Variants in SPTBN2 observed in about 807,000 individuals in gnomAD.
SPTBN2 encodes the protein spectrin beta, non-erythrocytic 2.
SPTBN2 carries 107 observed loss-of-function variants against 284.2 expected under a neutral mutation model. The ratio of observed to expected loss-of-function variants is 0.38; its 90% CI spans 0.32 to 0.44. SPTBN2 has a LOEUF of 0.44. Among genes scored for constraint, SPTBN2 ranks in the 20% least tolerant of loss-of-function variants. The pLI is 1.00. For synonymous variants in SPTBN2, 1,289 were observed against 1,354.8 expected (o/e 0.95, Z 1.07); for missense variants, 2,569 against 3,287.1 (o/e 0.78, Z 5.34).
chr11:66,703,375 C>T (rs1351909467), intron 15 of SPTBN2, among the ~76,000 whole-genome samples: 1 of 152,080 alleles, frequency 6.6e-6, no homozygotes, highest in African/African-American at 2.4e-5. Flanking sequence ...AGCCACCAGG[C>T]CTGACCTAAT....
rs774021431 is a variant in SPTBN2 at position 66,687,860 on chromosome 11, G to C, written c.6501+8C>G. ...AGTTATCAACACCACACTTGCAGGG[G>C]AACTCACCGGCCCTTCGGGGAAGCT... On this transcript the variant is annotated splice_region_variant and intron_variant, in intron 34 of 37. Coordinates refer to ENST00000533211, the MANE Select transcript of SPTBN2 (RefSeq NM_006946.4). The surrounding 1 kb of genome is among the most constrained non-coding windows in gnomAD (Gnocchi z 5.2). 5.0e-6 allele frequency: 8 copies of C among 1,614,110 alleles called. No homozygotes were observed. Among genetic ancestry groups the C allele is most frequent in the Non-Finnish European group, 6.8e-6 (8 of 1,180,004 alleles).
At position 66,707,662 on chromosome 11, in the gene SPTBN2, C is replaced by A; in HGVS notation, c.1507G>T (p.Ala503Ser). 6.2e-7 allele frequency: 1 copy of A among 1,607,574 alleles called. No individual in the cohort carries two copies. Among genetic ancestry groups the A allele is most frequent in the Non-Finnish European group, 8.5e-7 (1 of 1,179,846 alleles). The change falls in exon 13 of 38, where the codon GCC becomes TCC. Residue 503 changes from alanine (A) to serine (S), a missense_variant. Physicochemically the swap from Ala to Ser is moderately conservative, Grantham distance 99. Around this residue, in one of 6 missense-constraint regions of SPTBN2, gnomAD observed 1,012 missense variants for 1,248.9 expected, o/e 0.81. Coordinates refer to ENST00000533211, the MANE Select transcript of SPTBN2 (RefSeq NM_006946.4). The surrounding 1 kb of genome is among the most constrained non-coding windows in gnomAD (Gnocchi z 4.9). Reference sequence around the variant, plus strand: ...CGTGCCACGTTGTGCTGCCGAGCGGCGATGCGCTTGATGTCGTGGTAGCGC... The same window carrying A: ...CGTGCCACGTTGTGCTGCCGAGCGGAGATGCGCTTGATGTCGTGGTAGCGC... ...AERYHDIKRI[A>S]ARQHNVARLW...
Position 66,685,293 on chromosome 11 carries a change from G to A in SPTBN2, c.*578C>T, listed in dbSNP as rs970139410. The stretch of plus-strand genomic sequence containing the variant: ...TAATCACCTCCTTGGCCAGACTCAA[G>A]GCGGTGGCTGTCCCCGAACAACACA... On this transcript the variant is annotated 3_prime_UTR_variant, in exon 38 of 38. Transcript: ENST00000533211. The surrounding 1 kb of genome is among the most constrained non-coding windows in gnomAD (Gnocchi z 4.4). The A allele has an allele frequency of 9.7e-5, 16 of 165,742 alleles. No homozygotes were observed. The South Asian group carries it at 2.4e-3, about 25-fold the overall frequency. 10.3% of individuals were successfully genotyped at this position (165,742 alleles called of 1,614,324 possible). A position where few individuals can be genotyped will look rare whatever the true frequency, so the allele number is the denominator to read the frequency against.
intron 3 of SPTBN2, among the ~76,000 whole-genome samples, chr11:66,716,678 T>C (rs2135531658): frequency 6.6e-6 from 1 of 152,272 alleles, no homozygotes; most frequent in Middle Eastern, 3.4e-3. Flanking sequence ...CACTTTCTAC[T>C]TCAACAGGTC....
rs1471386410 is a variant in SPTBN2 at position 66,708,578 on chromosome 11, A to T, written c.1192-279T>A. On this transcript the variant is annotated intron_variant, in intron 11 of 37. Coordinates refer to ENST00000533211, the MANE Select transcript of SPTBN2 (RefSeq NM_006946.4). The surrounding 1 kb of genome is among the most constrained non-coding windows in gnomAD (Gnocchi z 4.4). ...TGCGAACCTTATTTTTACTTTTAGT[A>T]ATCTTACAATATTGTGAAAAAAATA... 6.6e-6 allele frequency among the ~76,000 whole-genome samples: 1 copy of T among 152,260 alleles called. No homozygotes were observed. The highest frequency in any genetic ancestry group is 6.5e-5 in the Admixed American group (1 of 15,290).
At chr11:66,714,000 G>GCAGCT in intron 7 of SPTBN2, 91 bp downstream of exon 7, 1 of 1,334,468 alleles carries the variant, frequency 7.5e-7, no homozygotes, top group South Asian at 1.2e-5. Context: ...TGACTGCTGT[G>GCAGCT]CAGCTCATCT....
chr11:66,690,333 C>CG, intron 27 of SPTBN2, 50 bp from the exon 28 acceptor site: 1 of 1,516,662 alleles, frequency 6.6e-7, no homozygotes, highest in Non-Finnish European at 8.8e-7. Context: ...TCCAAGGAGC[C>CG]GCAGCCTGCC....
Position 66,705,045 on chromosome 11 carries a change from G to A in SPTBN2, c.2231C>T (p.Ala744Val). 3.1e-6 allele frequency: 5 copies of A among 1,598,358 alleles called. No individual in the cohort carries two copies. The highest frequency in any genetic ancestry group is 4.2e-6 in the Non-Finnish European group (5 of 1,178,946). ...ALAEERAQRL[A>V]QAASLYQFQA... The stretch of plus-strand genomic sequence containing the variant: ...GAACTGGTAGAGGCTGGCGGCTTGG[G>A]CCAGCCGCTGGGCACGCTCCTCGGC... Residue 744 changes from alanine to valine, a missense_variant, in exon 15 of 38, where the codon GCC (alanine) becomes GTC (valine). By Grantham distance (64) the Ala-to-Val change is moderately conservative. Transcript: ENST00000533211.
rs377601801 is a variant in SPTBN2 at position 66,704,529 on chromosome 11, C to A, written c.2678+69G>T. ...GGCAGGAAGTTTATGGAGGGACTCA[C>A]CACCCACATCCTGGCCCCCCCACCC... On this transcript the variant is annotated intron_variant, in intron 15 of 37. Coordinates refer to ENST00000533211, the MANE Select transcript of SPTBN2 (RefSeq NM_006946.4). 6.5e-6 allele frequency: 10 copies of A among 1,545,600 alleles called. No homozygotes were observed. In the East Asian group the frequency reaches 1.4e-4, roughly 22 times the overall value.
intron 8 of SPTBN2, among the ~76,000 whole-genome samples, chr11:66,711,997 C>T (rs915445633): frequency 1.4e-4 from 22 of 152,306 alleles, no homozygotes; most frequent in African/African-American, 5.3e-4. Context: ...CTCCAGCAGG[C>T]GAGCCTTTCT....
rs762103483 is a variant in SPTBN2 at position 66,715,842 on chromosome 11, C to T, written c.297G>A (p.Ser99=). The change falls in exon 4 of 38, where the codon TCG becomes TCA. Residue 99 remains serine (S), a synonymous_variant. Transcript: ENST00000533211. This position sits in a 1 kb window ranked among gnomAD's most constrained non-coding sequence, Gnocchi z 5.3. Reference sequence around the variant, plus strand: ...GACCACAGCTCACCAGTATCTCTCCCGAGAGCACCTCGAGGAGCCTCAGCA... The same window carrying T: ...GACCACAGCTCACCAGTATCTCTCCTGAGAGCACCTCGAGGAGCCTCAGCA... The part of the protein sequence containing the change: ...RNLLRLLEVL[S]GEILPKPTKG... 1.4e-5 allele frequency: 22 copies of T among 1,613,808 alleles called. No individual in the cohort carries two copies. In the Middle Eastern group the frequency reaches 4.9e-4, roughly 36 times the overall value.
chr11:66,723,609 G>A (rs1942513106), intron 1 of SPTBN2, among the ~76,000 whole-genome samples: 2 of 152,120 alleles, frequency 1.3e-5, no homozygotes, highest in South Asian at 2.1e-4. Context: ...AGAGAGCTAA[G>A]GTCTAAGGCT....
chr11:66,707,398 G>T lies in SPTBN2; in HGVS notation c.1653+118C>A, dbSNP rs371043372. On this transcript the variant is annotated intron_variant, in intron 13 of 37. Transcript: ENST00000533211. The surrounding 1 kb of genome is among the most constrained non-coding windows in gnomAD (Gnocchi z 4.9). ...CTTTGTTCCCTGCAACTGGGGACAG[G>T]GCCCTGTGCTGGTTCACACTCCACA... The T allele has an allele frequency of 8.2e-5, 89 of 1,087,764 alleles. 2 individuals carry two copies. The East Asian group carries it at 9.6e-4, about 12-fold the overall frequency. 67.4% of individuals were successfully genotyped at this position (1,087,764 alleles called of 1,614,324 possible). A position where few individuals can be genotyped will look rare whatever the true frequency, so the allele number is the denominator to read the frequency against.
chr11:66,701,261 C>CA lies in SPTBN2; in HGVS notation c.2837dup (p.Ala947GlyfsTer130). On this transcript the variant is annotated frameshift_variant, in exon 17 of 38. Coordinates refer to ENST00000533211, the MANE Select transcript of SPTBN2 (RefSeq NM_006946.4). LOFTEE classifies it high-confidence loss of function. Reference sequence around the variant, plus strand: ...TGAGAGCTGCCTTCTTGCCGTCTGCCAGACGCCGAAACTGCTGCCACCTGA... The same window carrying CA: ...TGAGAGCTGCCTTCTTGCCGTCTGCCAAGACGCCGAAACTGCTGCCACCTGA... 1 of 1,612,728 alleles carries CA rather than the reference C, an allele frequency of 6.2e-7. No homozygotes were observed. The highest frequency in any genetic ancestry group is 8.5e-7 in the Non-Finnish European group (1 of 1,180,032).
At position 66,689,836 on chromosome 11, in the gene SPTBN2, A is replaced by C; in HGVS notation, c.5918T>G (p.Leu1973Arg). The C allele has an allele frequency of 6.2e-7, 1 of 1,614,028 alleles. No homozygotes were observed. The highest frequency in any genetic ancestry group is 8.5e-7 in the Non-Finnish European group (1 of 1,180,020). Residue 1973 changes from leucine (L) to arginine (R), a missense_variant, in exon 29 of 38, where the codon CTG becomes CGG. Leu to Arg is a moderately radical substitution (Grantham distance 102, BLOSUM62 -2). This residue lies in a region of SPTBN2 where 1,130 missense variants were observed against 1,317.3 expected (regional missense o/e 0.86). Coordinates refer to ENST00000533211, the MANE Select transcript of SPTBN2 (RefSeq NM_006946.4). ...GGCCGCATAGTGGCTCCTGGCCAGC[A>C]GCTCCTTCCCCATGTCGATGCAGGA... Reference protein sequence around the residue: ...FSSCIDMGKELLARSHYAAEE... With the variant: ...FSSCIDMGKERLARSHYAAEE...
intron 17 of SPTBN2, 66 bp from the exon 18 acceptor site, chr11:66,699,674 A>G: frequency 6.6e-7 from 1 of 1,525,206 alleles, no homozygotes; most frequent in Non-Finnish European, 9.1e-7. Context: ...GGAGGGACCC[A>G]CCCAGGGGCA....
At position 66,687,616 on chromosome 11, in the gene SPTBN2, G is replaced by A. The variant is rs1480062442; in HGVS notation, c.6533C>T (p.Pro2178Leu). Residue 2178 changes from proline (P) to leucine (L), a missense_variant, in exon 35 of 38, where the codon CCC (proline) becomes CTC (leucine). Transcript: ENST00000533211. The surrounding 1 kb of genome is among the most constrained non-coding windows in gnomAD (Gnocchi z 5.2). ...GPGSGDEANG[P>L]RGERQTRTRG... The stretch of plus-strand genomic sequence containing the variant: ...AGTCCGGGTCTGCCTCTCTCCCCGG[G>A]GCCCATTGGCTTCGTCCCCTGAGCC... 26 of 1,604,276 alleles carry A rather than the reference G, an allele frequency of 1.6e-5. No homozygotes were observed. Among genetic ancestry groups the A allele is most frequent in the Non-Finnish European group, 2.2e-5 (26 of 1,175,692 alleles).
At chr11:66,725,708 C>T (rs527866710) in intron 1 of SPTBN2, among the ~76,000 whole-genome samples, 3 of 152,316 alleles carry the variant, frequency 2.0e-5, no homozygotes, top group African/African-American at 7.2e-5. Flanking sequence ...ACTGTTAGTG[C>T]TAGAAGAATG....
In SPTBN2 at chr11:66,693,119, G is replaced by A. The variant is rs749209535; in HGVS notation, c.4855-19C>T. The A allele has an allele frequency of 6.2e-7, 1 of 1,614,196 alleles. No individual in the cohort carries two copies. Among genetic ancestry groups the A allele is most frequent in the Non-Finnish European group, 8.5e-7 (1 of 1,180,040 alleles). ...GCTCATCCTGGGGGAAGGGACAGTG[G>A]CATCCAGCATCAGGTCAGGGGAGGG... On this transcript the variant is annotated intron_variant, in intron 24 of 37. Coordinates refer to ENST00000533211, the MANE Select transcript of SPTBN2 (RefSeq NM_006946.4). The surrounding 1 kb of genome is among the most constrained non-coding windows in gnomAD (Gnocchi z 5.7).
Sources: allele counts gnomAD v4.1 joint callset (sites outside exome capture counted in the v4.1 genomes callset), GRCh38; gene constraint gnomAD v4.1.1; regional missense constraint gnomAD v4.1.1; non-coding constraint Gnocchi (gnomAD v3.1); transcripts MANE v1.5; gene names NCBI Gene and HGNC (gene_info 2026-07-23, HGNC 2026-07-21).